Variants in MDC1 observed in about 807,000 individuals in gnomAD.
MDC1 encodes the protein mediator of DNA damage checkpoint 1.
In MDC1, 81 loss-of-function variants were observed where a neutral mutation model predicts 142.5. The observed-to-expected ratio is 0.57, with a 90% CI of 0.47 to 0.68. MDC1 has a LOEUF of 0.68. Ranked by LOEUF, MDC1 falls within the 30% of genes least tolerant of loss-of-function variation. The pLI is 0.00. For missense variants in MDC1, 2,119 were observed against 2,547.9 expected (o/e 0.83, Z 3.62); for synonymous variants, 797 against 968.4 (o/e 0.82, Z 3.29).
rs1775539234 is a variant in MDC1 at position 30,715,528 on chromosome 6, G to T, written c.-3-350C>A. On this transcript the variant is annotated intron_variant, in intron 1 of 14. Coordinates refer to ENST00000376406, the MANE Select transcript of MDC1 (RefSeq NM_014641.3). This position sits in a 1 kb window ranked among gnomAD's most constrained non-coding sequence, Gnocchi z 4.1. The stretch of plus-strand genomic sequence containing the variant: ...TAATTTTTGTATTTTTAGAAGAGAT[G>T]GGGTTTTGCCATATTGGCCAGGGTG... Among the ~76,000 whole-genome samples, 1 of 152,140 alleles carries T rather than the reference G, an allele frequency of 6.6e-6. No homozygotes were observed.
Position 30,704,669 on chromosome 6 carries a change from G to C in MDC1, c.4514C>G (p.Pro1505Arg), listed in dbSNP as rs763116546. 4 of 1,610,312 alleles carry C rather than the reference G, an allele frequency of 2.5e-6. No homozygotes were observed. The highest frequency in any genetic ancestry group is 3.4e-6 in the Non-Finnish European group (4 of 1,178,076). ...CCGAGATGTGGGCTCAGAGGTGACA[G>C]GCTGGTCTGTGGAGGCGGAAGCCTG... ...ELQASASTDQ[P>R]VTSEPTSRTT... Residue 1505 changes from proline (P) to arginine (R), a missense_variant, in exon 10 of 15, where the codon CCT becomes CGT. Pro to Arg is a moderately radical substitution (Grantham distance 103). Coordinates refer to ENST00000376406, the MANE Select transcript of MDC1 (RefSeq NM_014641.3).
chr6:30,703,186 G>C lies in MDC1; in HGVS notation c.5783C>G (p.Thr1928Ser). 6.2e-7 allele frequency: 1 copy of C among 1,613,096 alleles called. No individual in the cohort carries two copies. The highest frequency in any genetic ancestry group is 8.5e-7 in the Non-Finnish European group (1 of 1,180,028). ...CTTGACTGTCCGGCGGATGCGATCA[G>C]TGACCAGGTGGGAAGCCTCTGCCGC... ...GSAAEASHLV[T>S]DRIRRTVKFL... is the part of the protein sequence containing the mutation. The change falls in exon 12 of 15, where the codon ACT becomes AGT. Residue 1928 changes from threonine (T) to serine (S), a missense_variant. Thr to Ser is a moderately conservative substitution (Grantham distance 58, BLOSUM62 1). Transcript: ENST00000376406. This position sits in a 1 kb window ranked among gnomAD's most constrained non-coding sequence, Gnocchi z 4.4.
In MDC1 at chr6:30,700,426, C is replaced by T. The variant is rs762323882; in HGVS notation, c.*39G>A. On this transcript the variant is annotated 3_prime_UTR_variant, in exon 15 of 15. Coordinates refer to ENST00000376406, the MANE Select transcript of MDC1 (RefSeq NM_014641.3). ...CTGAGTTCTTTCTTCCACATATCTT[C>T]TAATTCGTGGTCTGGGAGGGAAAAG... The T allele has an allele frequency of 5.7e-6, 9 of 1,585,176 alleles. No homozygotes were observed. The Admixed American group carries it at 1.4e-4, about 24-fold the overall frequency.
rs1354727074 is a variant in MDC1, at chr6:30,716,807, C to T, written c.-4+438G>A. On this transcript the variant is annotated intron_variant, in intron 1 of 14. Coordinates refer to ENST00000376406, the MANE Select transcript of MDC1 (RefSeq NM_014641.3). This position sits in a 1 kb window ranked among gnomAD's most constrained non-coding sequence, Gnocchi z 4.4. ...CCAAACATGAAATCGACCCTGCCCT[C>T]GGGAAGGCTCATCACCGAGCCTACT... 1.6e-6 allele frequency: 1 copy of T among 640,886 alleles called. No homozygotes were observed. Among genetic ancestry groups the T allele is most frequent in the Non-Finnish European group, 1.9e-6 (1 of 515,466 alleles). The allele number at this position is 640,886 out of a possible 1,614,324, so 39.7% of individuals were successfully genotyped here.
chr6:30,700,902 C>CAAAAAAAAAAA (rs9281018), intron 14 of MDC1, among the ~76,000 whole-genome samples: 2 of 70,586 alleles, frequency 2.8e-5, no homozygotes, highest in East Asian at 4.8e-4. Context: ...ACTAAAAATA[C>CAAAAAAAAAAA]AAAAAAAAAA....
chr6:30,711,893 G>C lies in MDC1; in HGVS notation c.2049C>G (p.Asp683Glu). The change falls in exon 5 of 15, where the codon GAC (aspartate) becomes GAG (glutamate). Residue 683 changes from aspartate to glutamate, a missense_variant. By Grantham distance (45) the Asp-to-Glu change is conservative. Coordinates refer to ENST00000376406, the MANE Select transcript of MDC1 (RefSeq NM_014641.3). The part of the protein sequence containing the change: ...EREQHVGGTK[D>E]SEDNYGDSED... ...ACTTACCACCATAGTTGTCTTCAGA[G>C]TCCTTGGTCCCACCCACATGTTGTT... 1 of 1,531,232 alleles carries C rather than the reference G, an allele frequency of 6.5e-7. No individual in the cohort carries two copies. The highest frequency in any genetic ancestry group is 8.8e-7 in the Non-Finnish European group (1 of 1,140,900). The allele number at this position is 1,531,232 out of a possible 1,614,324, so 94.9% of individuals were successfully genotyped here.
At position 30,715,074 on chromosome 6, in the gene MDC1, T is replaced by C. The variant is rs1362452317; in HGVS notation, c.102A>G (p.Leu34=). Residue 34 remains leucine (L), a synonymous_variant, in exon 2 of 15, where the codon CTA becomes CTG. Coordinates refer to ENST00000376406, the MANE Select transcript of MDC1 (RefSeq NM_014641.3). The surrounding 1 kb of genome is among the most constrained non-coding windows in gnomAD (Gnocchi z 4.1). The stretch of plus-strand genomic sequence containing the variant: ...GTCCATGGGCACCACTAAAGATATG[T>C]AGCCGCCCTACTGGCTCCACGTTAC... The part of the protein sequence containing the change: ...LRCNVEPVGR[L]HIFSGAHGPE... 2.5e-6 allele frequency: 4 copies of C among 1,614,212 alleles called. No homozygotes were observed. Among genetic ancestry groups the C allele is most frequent in the Non-Finnish European group, 3.4e-6 (4 of 1,180,038 alleles).
chr6:30,712,627 C>T lies in MDC1; in HGVS notation c.1315G>A (p.Val439Met), dbSNP rs1775080299. 1.9e-6 allele frequency: 3 copies of T among 1,612,902 alleles called. No homozygotes were observed. Among genetic ancestry groups the T allele is most frequent in the Non-Finnish European group, 2.5e-6 (3 of 1,179,890 alleles). Residue 439 changes from valine to methionine, a missense_variant, in exon 5 of 15, where the codon GTG becomes ATG. Transcript: ENST00000376406. The surrounding 1 kb of genome is among the most constrained non-coding windows in gnomAD (Gnocchi z 4.7). The stretch of plus-strand genomic sequence containing the variant: ...GTTTGGCTTCGCTGCAGAAGGACCA[C>T]ACGTTGGGGCATGTCCTCTTCTGCA... ...RDAEEDMPQR[V>M]VLLQRSQTTT...
chr6:30,708,320 C>G lies in MDC1; in HGVS notation c.2259G>C (p.Gln753His). The change falls in exon 8 of 15, where the codon CAG (glutamine) becomes CAC (histidine). Residue 753 changes from glutamine to histidine, a missense_variant. Transcript: ENST00000376406. ...LDEPWEVLAT[Q>H]PFCLRESEDS... ...CCTCAGACTCTCTCAGACAGAATGG[C>G]TGTGTAGCCAGGACCTCCCATGGTT... 6.2e-7 allele frequency: 1 copy of G among 1,612,172 alleles called. No homozygotes were observed. The highest frequency in any genetic ancestry group is 1.1e-5 in the South Asian group (1 of 91,074).
rs372297184 is a variant in MDC1 at position 30,707,756 on chromosome 6, G to T, written c.2823C>A (p.Ile941=). ...AELEEKVPKV[I]LERDTQRGEP... ...CCCCTCTCTGTGTATCTCTCTCCAG[G>T]ATCACTTTGGGCACCTTCTCTTCTA... Residue 941 remains isoleucine (I), a synonymous_variant, in exon 8 of 15, where the codon ATC becomes ATA. Transcript: ENST00000376406. The T allele has an allele frequency of 6.2e-7, 1 of 1,613,058 alleles. No homozygotes were observed. The highest frequency in any genetic ancestry group is 2.2e-5 in the East Asian group (1 of 44,874).
chr6:30,713,115 C>G lies in MDC1; in HGVS notation c.827G>C (p.Arg276Thr), dbSNP rs143473283. Residue 276 changes from arginine to threonine, a missense_variant, in exon 5 of 15, where the codon AGG (arginine) becomes ACG (threonine). By Grantham distance (71) the Arg-to-Thr change is moderately conservative. Coordinates refer to ENST00000376406, the MANE Select transcript of MDC1 (RefSeq NM_014641.3). This position sits in a 1 kb window ranked among gnomAD's most constrained non-coding sequence, Gnocchi z 4.9. Reference protein sequence around the residue: ...KERDNDTKVKRGAGNGVVPAG... With the variant: ...KERDNDTKVKTGAGNGVVPAG... ...TGGAACCACCCCATTCCCTGCACCC[C>G]TCTTGACTTTTGTATCATTGTCCCT... The G allele has an allele frequency of 3.1e-6, 5 of 1,612,974 alleles. No homozygotes were observed. Among genetic ancestry groups the G allele is most frequent in the African/African-American group, 2.7e-5 (2 of 74,944 alleles).
Position 30,713,827 on chromosome 6 carries a change from C to A in MDC1, c.493G>T (p.Ala165Ser). ...CCTACTTCCTCCTCCGAGTCCTCAGCCAACAGAAGCCTCTGGGGTTGAGTT... is the reference window on the plus strand; with the variant it reads ...CCTACTTCCTCCTCCGAGTCCTCAGACAACAGAAGCCTCTGGGGTTGAGTT... ...GETQPQRLLL[A>S]EDSEEEVDFL... The change falls in exon 3 of 15, where the codon GCT becomes TCT. Residue 165 changes from alanine (A) to serine (S), a missense_variant. By Grantham distance (99) the Ala-to-Ser change is moderately conservative (BLOSUM62 1). Transcript: ENST00000376406. This position sits in a 1 kb window ranked among gnomAD's most constrained non-coding sequence, Gnocchi z 4.9. The A allele has an allele frequency of 6.2e-7, 1 of 1,614,044 alleles. No homozygotes were observed. The highest frequency in any genetic ancestry group is 8.5e-7 in the Non-Finnish European group (1 of 1,179,956).
chr6:30,700,677 T>C, intron 14 of MDC1, 45 bp from the exon 15 acceptor site: 5 of 1,606,240 alleles, frequency 3.1e-6, no homozygotes, highest in Non-Finnish European at 4.3e-6. Flanking sequence ...AAAAGAATCC[T>C]AGAAATGGGT....
chr6:30,716,962 C>G lies in MDC1; in HGVS notation c.-4+283G>C. ...CCCATGGATAAAGTGTCAACTCCGTCTTTATGACAGGCCAACTCAGCGGGT... is the reference window on the plus strand; with the variant it reads ...CCCATGGATAAAGTGTCAACTCCGTGTTTATGACAGGCCAACTCAGCGGGT... On this transcript the variant is annotated intron_variant, in intron 1 of 14. Transcript: ENST00000376406. This position sits in a 1 kb window ranked among gnomAD's most constrained non-coding sequence, Gnocchi z 4.4. 5.1e-6 allele frequency: 5 copies of G among 978,642 alleles called. No individual in the cohort carries two copies. The highest frequency in any genetic ancestry group is 6.1e-6 in the Non-Finnish European group (5 of 823,732). The allele number at this position is 978,642 out of a possible 1,614,324, so 60.6% of individuals were successfully genotyped here. A position where few individuals can be genotyped will look rare whatever the true frequency, so the allele number is the denominator to read the frequency against.
chr6:30,707,496 G>C (rs369113103), intron 8 of MDC1, 42 bp from the exon 9 acceptor site: 1 of 1,612,980 alleles, frequency 6.2e-7, no homozygotes, highest in East Asian at 2.2e-5. Context: ...GTTCCAAGCA[G>C]CTGGTTGCCC....
Position 30,713,208 on chromosome 6 carries a change from G to C in MDC1, c.734C>G (p.Ala245Gly). 1 of 1,613,028 alleles carries C rather than the reference G, an allele frequency of 6.2e-7. No individual in the cohort carries two copies. Among genetic ancestry groups the C allele is most frequent in the Non-Finnish European group, 8.5e-7 (1 of 1,180,000 alleles). ...TACAACTTCAGCTTCAGACTGCTTT[G>C]CCTCTACAGTGGCACCTCTTCTGGC... ...SAARRGATVE[A>G]KQSEAEVVTE... The change falls in exon 5 of 15, where the codon GCA becomes GGA. Residue 245 changes from alanine to glycine, a missense_variant. By Grantham distance (60) the Ala-to-Gly change is moderately conservative. Transcript: ENST00000376406. The surrounding 1 kb of genome is among the most constrained non-coding windows in gnomAD (Gnocchi z 4.9).
At chr6:30,714,277 G>T in intron 2 of MDC1, 94 bp from the exon 3 acceptor site, 1 of 1,302,556 alleles carries the variant, frequency 7.7e-7, no homozygotes, top group Non-Finnish European at 1.0e-6. Flanking sequence ...CTCACTCAAG[G>T]CCTCCATATG....
At position 30,704,507 on chromosome 6, in the gene MDC1, C is replaced by T; in HGVS notation, c.4676G>A (p.Arg1559Lys). The change falls in exon 10 of 15, where the codon AGG (arginine) becomes AAG (lysine). Residue 1559 changes from arginine (R) to lysine (K), a missense_variant. Coordinates refer to ENST00000376406, the MANE Select transcript of MDC1 (RefSeq NM_014641.3). Reference protein sequence around the residue: ...PEPTSRATRGRTNRSSVKTPE... With the variant: ...PEPTSRATRGKTNRSSVKTPE... ...GGTCTTGACAGAGGACCTATTTGTC[C>T]TGCCCCTAGTGGCCCGAGATGTGGG... 6.2e-7 allele frequency: 1 copy of T among 1,610,212 alleles called. No homozygotes were observed. The highest frequency in any genetic ancestry group is 8.5e-7 in the Non-Finnish European group (1 of 1,178,756).
In MDC1 at chr6:30,715,931, G is replaced by A. The variant is rs984350762; in HGVS notation, c.-3-753C>T. Reference sequence around the variant, plus strand: ...ATAAGCATATATAAGGTTAAGACTTGCCCCAAATCACTCAGATGTCTCTCC... The same window carrying A: ...ATAAGCATATATAAGGTTAAGACTTACCCCAAATCACTCAGATGTCTCTCC... On this transcript the variant is annotated intron_variant, in intron 1 of 14. Transcript: ENST00000376406. The surrounding 1 kb of genome is among the most constrained non-coding windows in gnomAD (Gnocchi z 4.1). Among the ~76,000 whole-genome samples the A allele has an allele frequency of 6.6e-6, 1 of 152,128 alleles. No individual in the cohort carries two copies.
Sources: allele counts gnomAD v4.1 joint callset (sites outside exome capture counted in the v4.1 genomes callset), GRCh38; gene constraint gnomAD v4.1.1; non-coding constraint Gnocchi (gnomAD v3.1); transcripts MANE v1.5; gene names NCBI Gene and HGNC (gene_info 2026-07-23, HGNC 2026-07-21).